Variants in KCNIP4 observed in about 807,000 individuals in gnomAD.
The protein encoded by KCNIP4 is potassium voltage-gated channel interacting protein 4, also known as Kv channel-interacting protein 4.
Under a neutral mutation model 34.0 loss-of-function variants are expected in KCNIP4, and 12 were observed. The observed-to-expected ratio is 0.35, with a 90% CI of 0.23 to 0.57. The LOEUF (loss-of-function observed/expected upper bound fraction) is 0.57. Ranked by LOEUF, KCNIP4 falls within the 20% of genes least tolerant of loss-of-function variation. The pLI is 0.83. For missense variants in KCNIP4, 238 were observed against 311.7 expected, an observed-to-expected ratio of 0.76 and a Z score of 1.78; for synonymous variants, 124 against 102.2, an observed-to-expected ratio of 1.21 and a Z score of -1.29.
intron 1 of KCNIP4, among the ~76,000 whole-genome samples, chr4:21,394,090 T>C (rs980817257): frequency 2.0e-5 from 3 of 152,180 alleles, no homozygotes; most frequent in African/African-American, 7.2e-5. Context: ...GTGCAGTCTT[T>C]AGAGAAAAAA....
At chr4:20,786,884 A>G (rs1712071755) in intron 3 of KCNIP4, among the ~76,000 whole-genome samples, 1 of 152,094 alleles carries the variant, frequency 6.6e-6, no homozygotes, top group African/African-American at 2.4e-5. Flanking sequence ...CTCCCTTAAC[A>G]TCATAGCATG....
At chr4:21,714,826 T>C (rs370762580) in intron 1 of KCNIP4, among the ~76,000 whole-genome samples, 1,997 of 3,362 alleles carry the variant, frequency 0.59, 422 homozygotes, top group South Asian at 0.6. Flanking sequence ...TTTATTTTAT[T>C]TTATTTTATT....
chr4:21,500,499 A>G (rs1007442181), intron 1 of KCNIP4, among the ~76,000 whole-genome samples: 8 of 152,198 alleles, frequency 5.3e-5, no homozygotes, highest in Admixed American at 1.3e-4. Flanking sequence ...TAGACAAAGT[A>G]TATAGAGCAG....
Position 21,257,137 on chromosome 4 carries a change from A to G in KCNIP4, c.62-374428T>C, listed in dbSNP as rs566259878. Reference sequence around the variant, plus strand: ...AAACTCTTAAATTTGGTGCTTGAGCACTTTCATTGACAGTGTGTCATCAAC... The same window carrying G: ...AAACTCTTAAATTTGGTGCTTGAGCGCTTTCATTGACAGTGTGTCATCAAC... On this transcript the variant is annotated intron_variant, in intron 1 of 8. Coordinates refer to ENST00000382152, the MANE Select transcript of KCNIP4 (RefSeq NM_025221.6). Among the ~76,000 whole-genome samples, 9 of 152,290 alleles carry G rather than the reference A, an allele frequency of 5.9e-5. No homozygotes were observed. The East Asian group carries it at 1.5e-3, about 26-fold the overall frequency.
chr4:20,766,956 A>C (rs1006393445), intron 3 of KCNIP4: 2 of 152,212 alleles, frequency 1.3e-5, no homozygotes, highest in Non-Finnish European at 2.9e-5. Context: ...GGGGACAGGA[A>C]TTGACCTCAG....
At chr4:21,801,177 T>C (rs1271172852) in intron 1 of KCNIP4, among the ~76,000 whole-genome samples, 1 of 152,208 alleles carries the variant, frequency 6.6e-6, no homozygotes, top group Non-Finnish European at 1.5e-5. Context: ...CATAGCTTCA[T>C]GTCCAAAGCA....
chr4:21,647,935 G>A lies in KCNIP4; in HGVS notation c.61+300636C>T, dbSNP rs7665016. Reference sequence around the variant, plus strand: ...GGTGCCCAGGCTGGAGTGCAGTGGCGTGATCTCGGCTCATTGCAAGCTCCA... The same window carrying A: ...GGTGCCCAGGCTGGAGTGCAGTGGCATGATCTCGGCTCATTGCAAGCTCCA... On this transcript the variant is annotated intron_variant, in intron 1 of 8. Coordinates refer to ENST00000382152, the MANE Select transcript of KCNIP4 (RefSeq NM_025221.6). Among the ~76,000 whole-genome samples the A allele has an allele frequency of 4.4e-3, 630 of 141,824 alleles. 4 individuals carry two copies. Among genetic ancestry groups the A allele is most frequent in the African/African-American group, 0.016 (593 of 36,778 alleles). The allele number at this position is 141,824 out of a possible 152,430, so 93.0% of individuals were successfully genotyped here. A position where few individuals can be genotyped will look rare whatever the true frequency, so the allele number is the denominator to read the frequency against.
intron 1 of KCNIP4, among the ~76,000 whole-genome samples, chr4:20,907,723 A>AT (rs1231107840): frequency 4.6e-5 from 7 of 151,594 alleles, no homozygotes; most frequent in Admixed American, 1.3e-4. Context: ...AAATTTTTTT[A>AT]TTTTTTTTCT....
intron 1 of KCNIP4, among the ~76,000 whole-genome samples, chr4:21,252,051 T>A (rs1315965619): frequency 6.6e-6 from 1 of 151,038 alleles, no homozygotes; most frequent in Non-Finnish European, 1.5e-5. Context: ...AAAAAAAACA[T>A]AACTGAGATG....
chr4:20,825,835 C>A (rs1470903299), intron 3 of KCNIP4, among the ~76,000 whole-genome samples: 1 of 152,116 alleles, frequency 6.6e-6, no homozygotes, highest in Non-Finnish European at 1.5e-5. Flanking sequence ...AGAAATGAAA[C>A]CCTTGAAGAT....
At chr4:21,234,950 A>AT (rs1290537885) in intron 1 of KCNIP4, among the ~76,000 whole-genome samples, 1 of 152,060 alleles carries the variant, frequency 6.6e-6, no homozygotes, top group South Asian at 2.1e-4. Context: ...TTCTGGCCAT[A>AT]TTTTTTTAAC....
chr4:21,873,343 G>A (rs1247331993), intron 1 of KCNIP4, among the ~76,000 whole-genome samples: 1 of 152,144 alleles, frequency 6.6e-6, no homozygotes, highest in East Asian at 1.9e-4. Context: ...ACAGTTGAAA[G>A]CACTTACTGC....
intron 1 of KCNIP4, among the ~76,000 whole-genome samples, chr4:21,308,726 GT>G (rs2109266256): frequency 6.6e-6 from 1 of 152,154 alleles, no homozygotes; most frequent in African/African-American, 2.4e-5. Context: ...GTGTGTGTGT[GT>G]GTGTGTGTGT....
chr4:21,630,688 C>G (rs1352624984), intron 1 of KCNIP4, among the ~76,000 whole-genome samples: 1 of 152,080 alleles, frequency 6.6e-6, no homozygotes, highest in Non-Finnish European at 1.5e-5. Flanking sequence ...TGATTGAAAA[C>G]AAACACACTA....
intron 1 of KCNIP4, chr4:21,846,686 C>A (rs1392327358): frequency 6.6e-6 from 1 of 151,892 alleles, no homozygotes; most frequent in African/African-American, 2.4e-5. Context: ...TATTTGTTAC[C>A]CCAAATGGCA....
intron 1 of KCNIP4, among the ~76,000 whole-genome samples, chr4:21,039,542 G>T (rs1741767174): frequency 6.6e-6 from 1 of 152,034 alleles, no homozygotes; most frequent in Non-Finnish European, 1.5e-5. Flanking sequence ...ACTAAAATGT[G>T]CCAGATCCCC....
chr4:21,351,675 C>T (rs1394165578), intron 1 of KCNIP4, among the ~76,000 whole-genome samples: 6 of 152,052 alleles, frequency 3.9e-5, no homozygotes, highest in African/African-American at 1.4e-4. Context: ...GGCCCTAATC[C>T]AATATGGTTG....
intron 1 of KCNIP4, among the ~76,000 whole-genome samples, chr4:21,087,856 T>C (rs542218993): frequency 2.1e-4 from 32 of 152,326 alleles, no homozygotes; most frequent in Non-Finnish European, 3.7e-4. Context: ...ATTCTGAATG[T>C]ATTTTGCTGC....
At chr4:21,436,509 A>G (rs1726955395) in intron 1 of KCNIP4, among the ~76,000 whole-genome samples, 1 of 152,192 alleles carries the variant, frequency 6.6e-6, no homozygotes, top group Admixed American at 6.5e-5. Context: ...TGCATTCCAA[A>G]AATCACTACA....
Sources: gnomAD v4.1 joint callset for allele counts (sites outside exome capture counted in the v4.1 genomes callset) on GRCh38, gnomAD v4.1.1 for gene constraint, MANE v1.5 for transcripts, NCBI Gene and HGNC (gene_info 2026-07-23, HGNC 2026-07-21) for gene names.